The following BBX variants were observed in gnomAD, a reference collection of about 807,000 sequenced individuals.
BBX encodes HMG box transcription factor BBX.
BBX carries 30 observed loss-of-function variants against 100.2 expected under a neutral mutation model. The ratio of observed to expected loss-of-function variants is 0.30; its 90% CI spans 0.22 to 0.41. The LOEUF (loss-of-function observed/expected upper bound fraction) is 0.41, where lower values mean the gene tolerates loss of function less well. BBX is among the 10% of genes least tolerant of loss of function. The pLI is 1.00. For synonymous variants in BBX, 376 were observed against 388.1 expected, an observed-to-expected ratio of 0.97 and a Z score of 0.37; for missense variants, 1,023 against 1,129.8, an observed-to-expected ratio of 0.91 and a Z score of 1.35.
chr3:107,698,062 C>G (rs1005184808), intron 3 of BBX, among the ~76,000 whole-genome samples: 2 of 151,784 alleles, frequency 1.3e-5, no homozygotes, highest in South Asian at 2.1e-4. Context: ...GGCTCGTGCA[C>G]GGTGCGCGCA....
chr3:107,577,875 G>C (rs2051922038), intron 2 of BBX, among the ~76,000 whole-genome samples: 1 of 152,094 alleles, frequency 6.6e-6, no homozygotes, highest in South Asian at 2.1e-4. Flanking sequence ...GCCAAGCATA[G>C]AGGGCTATAT....
At chr3:107,649,440 A>G (rs577051309) in intron 3 of BBX, among the ~76,000 whole-genome samples, 1 of 152,310 alleles carries the variant, frequency 6.6e-6, no homozygotes, top group East Asian at 1.9e-4. Context: ...TTGTTTTCTC[A>G]TTGTAGTATA....
chr3:107,616,140 T>G (rs183839280), intron 2 of BBX, among the ~76,000 whole-genome samples: 12 of 149,804 alleles, frequency 8.0e-5, no homozygotes, highest in Non-Finnish European at 1.2e-4. Flanking sequence ...AGGTTGAGCA[T>G]CCCAGATCTG....
At chr3:107,720,035 A>C (rs1226809297) in intron 5 of BBX, among the ~76,000 whole-genome samples, 2 of 152,046 alleles carry the variant, frequency 1.3e-5, no homozygotes, top group African/African-American at 4.8e-5. Context: ...CATCAGAGGC[A>C]TGAGGCAGAA....
At chr3:107,586,437 A>G (rs2052844346) in intron 2 of BBX, among the ~76,000 whole-genome samples, 1 of 152,190 alleles carries the variant, frequency 6.6e-6, no homozygotes, top group African/African-American at 2.4e-5. Context: ...GGGGTCACCT[A>G]GTTTTTAATG....
At chr3:107,752,080 C>T (rs2065121331) in intron 9 of BBX, among the ~76,000 whole-genome samples, 1 of 152,186 alleles carries the variant, frequency 6.6e-6, no homozygotes, top group Non-Finnish European at 1.5e-5. Flanking sequence ...ACTCTTACAC[C>T]TAGAGTATAT....
At chr3:107,573,284 G>A (rs1431773990) in intron 2 of BBX, among the ~76,000 whole-genome samples, 1 of 152,140 alleles carries the variant, frequency 6.6e-6, no homozygotes, top group Admixed American at 6.5e-5. Flanking sequence ...TGTTGGCTGG[G>A]TGCGGTGGCT....
intron 3 of BBX, among the ~76,000 whole-genome samples, chr3:107,709,352 A>G (rs775964116): frequency 6.6e-6 from 1 of 152,214 alleles, no homozygotes; most frequent in East Asian, 1.9e-4. Flanking sequence ...TGAGAACTAG[A>G]TGAATCTTTA....
chr3:107,665,436 A>T (rs964940176), intron 3 of BBX, among the ~76,000 whole-genome samples: 1 of 152,154 alleles, frequency 6.6e-6, no homozygotes, highest in Non-Finnish European at 1.5e-5. Flanking sequence ...CTTCTAATTG[A>T]AATGAAAAAC....
rs1185522225 is a variant in BBX, at chr3:107,810,656, G to T, written c.*5199G>T. On this transcript the variant is annotated 3_prime_UTR_variant, in exon 18 of 18. Transcript: ENST00000325805. ...CAGCTCTAAGAGCCGTGGAACGGGG[G>T]GTAGGGAAGGTTTGCGATCTGGAGC... is the stretch of plus-strand genomic sequence containing the variant. 6.6e-6 allele frequency: 1 copy of T among 152,248 alleles called. No homozygotes were observed. The allele number at this position is 152,248 out of a possible 1,614,324, so 9.4% of individuals were successfully genotyped here. A position where few individuals can be genotyped will look rare whatever the true frequency, so the allele number is the denominator to read the frequency against.
intron 6 of BBX, among the ~76,000 whole-genome samples, chr3:107,731,813 G>T (rs1328053581): frequency 6.6e-6 from 1 of 151,826 alleles, no homozygotes; most frequent in Admixed American, 6.6e-5. Context: ...TCTTCAACCC[G>T]AAAAAGAAAA....
chr3:107,652,378 A>AAAATTTAAAT (rs368047771), intron 3 of BBX, among the ~76,000 whole-genome samples: 30,051 of 151,974 alleles, frequency 0.2, 3,222 homozygotes, highest in African/African-American at 0.28. Flanking sequence ...TGTAAAATTT[A>AAAATTTAAAT]CCAGTTTTTC....
intron 3 of BBX, among the ~76,000 whole-genome samples, chr3:107,677,960 CA>C (rs1033945214): frequency 6.6e-6 from 1 of 151,894 alleles, no homozygotes; most frequent in African/African-American, 2.4e-5. Context: ...ATAGAATTAC[CA>C]AAAAGAAGAA....
chr3:107,696,615 C>T (rs897750920), intron 3 of BBX, among the ~76,000 whole-genome samples: 13 of 151,924 alleles, frequency 8.6e-5, no homozygotes, highest in Admixed American at 7.9e-4. Context: ...AACTTTCTCT[C>T]TGGCTGCCCT....
At chr3:107,776,432 T>C (rs1432600501) in intron 12 of BBX, 1 of 152,224 alleles carries the variant, frequency 6.6e-6, no homozygotes, top group Non-Finnish European at 1.5e-5. Context: ...TTTTTATAGC[T>C]GTAAATTAAC....
intron 3 of BBX, among the ~76,000 whole-genome samples, chr3:107,655,817 C>A (rs1023160097): frequency 1.3e-5 from 2 of 151,984 alleles, no homozygotes; most frequent in Non-Finnish European, 2.9e-5. Flanking sequence ...TCTCCTGCCT[C>A]AGCCTCCCAA....
At chr3:107,626,982 A>G (rs2056226634) in intron 2 of BBX, among the ~76,000 whole-genome samples, 1 of 152,072 alleles carries the variant, frequency 6.6e-6, no homozygotes, top group Admixed American at 6.6e-5. Context: ...TTCTCATGAC[A>G]TTGCAGCTGG....
At chr3:107,658,688 G>T (rs2058277347) in intron 3 of BBX, among the ~76,000 whole-genome samples, 1 of 151,892 alleles carries the variant, frequency 6.6e-6, no homozygotes, top group Non-Finnish European at 1.5e-5. Flanking sequence ...AACTACAGCT[G>T]TTATTTGTCT....
At chr3:107,618,696 TC>T (rs2055494613) in intron 2 of BBX, among the ~76,000 whole-genome samples, 1 of 151,958 alleles carries the variant, frequency 6.6e-6, no homozygotes. Context: ...TGGGGTATTT[TC>T]CTGTTTTCTT....
Sources: allele counts gnomAD v4.1 joint callset (sites outside exome capture counted in the v4.1 genomes callset), GRCh38; gene constraint gnomAD v4.1.1; transcripts MANE v1.5; gene names NCBI Gene and HGNC (gene_info 2026-07-23, HGNC 2026-07-21).